ALPK1: variants seen among roughly 807,000 people sequenced by gnomAD.
ALPK1 encodes alpha kinase 1.
Under a neutral mutation model 120.6 loss-of-function variants are expected in ALPK1, and 110 were observed. The observed-to-expected ratio is 0.91, with a 90% CI of 0.78 to 1.07. The LOEUF (loss-of-function observed/expected upper bound fraction) is 1.07. ALPK1 is among the 50% of genes least tolerant of loss of function. The pLI is 0.00. For missense variants in ALPK1, 1,498 were observed against 1,483.9 expected, an observed-to-expected ratio of 1.01 and a Z score of -0.16; for synonymous variants, 582 against 560.3, an observed-to-expected ratio of 1.04 and a Z score of -0.55.
chr4:112,424,642 C>T (rs955181913), intron 6 of ALPK1, among the ~76,000 whole-genome samples: 12 of 152,184 alleles, frequency 7.9e-5, no homozygotes, highest in African/African-American at 2.9e-4. Context: ...GATGTGAGGT[C>T]TCAAACTGCC....
rs34345428 is a variant in ALPK1 at position 112,382,289 on chromosome 4, C to CTTTT, written c.122-91_122-88dup. On this transcript the variant is annotated intron_variant, in intron 3 of 15. Transcript: ENST00000650871. ...CAAGAGGCAGGGAAAAGGTTTTTCTCTTTTTTTTTTTTTTTTTTTTTGCCA... is the reference window on the plus strand; with the variant it reads ...CAAGAGGCAGGGAAAAGGTTTTTCTCTTTTTTTTTTTTTTTTTTTTTTTTTGCCA... 1,482 of 670,834 alleles carry CTTTT rather than the reference C, an allele frequency of 2.2e-3. 21 individuals are homozygous for CTTTT. The highest frequency in any genetic ancestry group is 3.2e-3 in the South Asian group (149 of 46,792). The allele number at this position is 670,834 out of a possible 1,614,324, so 41.6% of individuals were successfully genotyped here.
rs1422175182 is a variant in ALPK1 at position 112,423,969 on chromosome 4, T to G, written c.501T>G (p.Ile167Met). ...NSGKLLKAEY[I>M]LSSLISNNGA... ...GAAAACTTTTAAAAGCAGAGTATAT[T>G]CTGAGCAGTCTAATAAGCAACAATG... is the stretch of plus-strand genomic sequence containing the variant. Residue 167 changes from isoleucine (I) to methionine (M), a missense_variant, in exon 6 of 16, where the codon ATT (isoleucine) becomes ATG (methionine). By Grantham distance (10) the Ile-to-Met change is conservative. Coordinates refer to ENST00000650871, the MANE Select transcript of ALPK1 (RefSeq NM_025144.4). The G allele has an allele frequency of 1.2e-6, 2 of 1,614,026 alleles. No homozygotes were observed. Among genetic ancestry groups the G allele is most frequent in the Middle Eastern group, 1.7e-4 (1 of 6,056 alleles).
intron 4 of ALPK1, chr4:112,384,160 G>A (rs942322506): frequency 1.3e-5 from 2 of 152,248 alleles, no homozygotes; most frequent in African/African-American, 4.8e-5. Context: ...ATTTGCTCAG[G>A]GGAAGAACAG....
chr4:112,440,274 T>C (rs2148768635), intron 14 of ALPK1, among the ~76,000 whole-genome samples: 1 of 152,326 alleles, frequency 6.6e-6, no homozygotes, highest in Non-Finnish European at 1.5e-5. Context: ...TTGGGTTTCA[T>C]AATGGGGGTC....
chr4:112,358,323 C>A, intron 2 of ALPK1: 1 of 595,412 alleles, frequency 1.7e-6, no homozygotes. Context: ...CAAGACGTAG[C>A]CCAGTTCTTC....
intron 9 of ALPK1, 49 bp downstream of exon 9, chr4:112,427,714 G>A (rs952203327): frequency 2.9e-6 from 4 of 1,364,384 alleles, no homozygotes; most frequent in Non-Finnish European, 4.2e-6. Flanking sequence ...TGTCAATCGT[G>A]TCCTTGGTGG....
chr4:112,306,385 C>CT (rs1560629339), intron 1 of ALPK1, among the ~76,000 whole-genome samples: 1 of 151,926 alleles, frequency 6.6e-6, no homozygotes, highest in Non-Finnish European at 1.5e-5. Context: ...GTCCTGGACT[C>CT]TTTTTGGTTG....
chr4:112,368,052 TGCACCACCACGC>T (rs1731235656), intron 2 of ALPK1, among the ~76,000 whole-genome samples: 1 of 152,000 alleles, frequency 6.6e-6, no homozygotes, highest in Admixed American at 6.6e-5. Flanking sequence ...TATAATTCAT[TGCACCACCACGC>T]GCACCACCAC....
intron 4 of ALPK1, among the ~76,000 whole-genome samples, chr4:112,398,932 G>T (rs973424975): frequency 2.6e-5 from 4 of 152,184 alleles, no homozygotes; most frequent in Admixed American, 6.5e-5. Flanking sequence ...CTAAGCAAAT[G>T]AGTGAATGAG....
chr4:112,439,760 A>G lies in ALPK1; in HGVS notation c.3426A>G (p.Ser1142=). The change falls in exon 14 of 16, where the codon TCA becomes TCG. Residue 1142 remains serine (S), a synonymous_variant. Coordinates refer to ENST00000650871, the MANE Select transcript of ALPK1 (RefSeq NM_025144.4). ...TACTGGGAGAATTTGTAAAATTGTC[A>G]AATAACACGAAAGTGGTGAAAACAG... ...PYILGEFVKL[S]NNTKVVKTEY... 6.2e-7 allele frequency: 1 copy of G among 1,613,712 alleles called. No individual in the cohort carries two copies. The highest frequency in any genetic ancestry group is 8.5e-7 in the Non-Finnish European group (1 of 1,179,856).
chr4:112,313,449 A>G lies in ALPK1; in HGVS notation c.-152-2352A>G, dbSNP rs76010017. ...AAGAATTGACTGCTGGAGGCCGGGC[A>G]TGGTGGCTCACGCCTGTAATCCCAA... is the stretch of plus-strand genomic sequence containing the variant. On this transcript the variant is annotated intron_variant, in intron 1 of 15. Transcript: ENST00000650871. 6.6e-5 allele frequency among the ~76,000 whole-genome samples: 10 copies of G among 152,310 alleles called. No homozygotes were observed. In the East Asian group the frequency reaches 1.7e-3, roughly 26 times the overall value.
At position 112,414,032 on chromosome 4, in the gene ALPK1, G is replaced by C. The variant is rs563421094; in HGVS notation, c.475+2007G>C. Among the ~76,000 whole-genome samples the C allele has an allele frequency of 5.9e-5, 9 of 152,298 alleles. No homozygotes were observed. The South Asian group carries it at 1.9e-3, about 32-fold the overall frequency. Reference sequence around the variant, plus strand: ...CATCTGGAGCCTCCACCTACACTGGGTGTCTCAGAGAGAGAGAAGGACTGG... The same window carrying C: ...CATCTGGAGCCTCCACCTACACTGGCTGTCTCAGAGAGAGAGAAGGACTGG... On this transcript the variant is annotated intron_variant, in intron 5 of 15. Transcript: ENST00000650871.
At chr4:112,305,154 CT>C (rs1727980501) in intron 1 of ALPK1, among the ~76,000 whole-genome samples, 1 of 152,044 alleles carries the variant, frequency 6.6e-6, no homozygotes, top group African/African-American at 2.4e-5. Flanking sequence ...TTACCGTAGC[CT>C]TGTAGTATAG....
chr4:112,389,816 G>A (rs1441539061), intron 4 of ALPK1, among the ~76,000 whole-genome samples: 1 of 152,138 alleles, frequency 6.6e-6, no homozygotes, highest in Non-Finnish European at 1.5e-5. Context: ...CCCTTTCAGG[G>A]TCCAGTAGAA....
chr4:112,358,009 G>T, intron 2 of ALPK1: 5 of 642,038 alleles, frequency 7.8e-6, no homozygotes, highest in South Asian at 7.5e-5. Context: ...CTAGCGAGGG[G>T]CTGGACTTCT....
intron 4 of ALPK1, among the ~76,000 whole-genome samples, chr4:112,392,145 G>A (rs191056195): frequency 9.9e-5 from 15 of 152,170 alleles, no homozygotes; most frequent in African/African-American, 3.6e-4. Context: ...AAATAGTACA[G>A]TCAAGAGCCC....
At chr4:112,347,614 C>T (rs756523150) in intron 2 of ALPK1, among the ~76,000 whole-genome samples, 4 of 152,262 alleles carry the variant, frequency 2.6e-5, no homozygotes, top group Non-Finnish European at 5.9e-5. Flanking sequence ...GTTTACTTCT[C>T]GAATGAAGTT....
At chr4:112,440,768 A>G in intron 14 of ALPK1, 149 bp from the exon 15 acceptor site, 7 of 1,303,858 alleles carry the variant, frequency 5.4e-6, no homozygotes, top group Non-Finnish European at 6.9e-6. Flanking sequence ...GGAATTTACT[A>G]ACTATAAACC....
At chr4:112,347,095 G>A (rs1730133637) in intron 2 of ALPK1, among the ~76,000 whole-genome samples, 1 of 152,188 alleles carries the variant, frequency 6.6e-6, no homozygotes, top group Non-Finnish European at 1.5e-5. Context: ...TATAGCAGTA[G>A]CTGTTTCAGT....
Sources: allele counts gnomAD v4.1 joint callset (sites outside exome capture counted in the v4.1 genomes callset), GRCh38; gene constraint gnomAD v4.1.1; transcripts MANE v1.5; gene names NCBI Gene and HGNC (gene_info 2026-07-23, HGNC 2026-07-21).